NFIB: variants seen among roughly 807,000 people sequenced by gnomAD.
NFIB encodes nuclear factor 1 B-type.
Under a neutral mutation model 61.5 loss-of-function variants are expected in NFIB, and 11 were observed. The ratio of observed to expected loss-of-function variants is 0.18; its 90% confidence interval spans 0.11 to 0.30. The LOEUF (loss-of-function observed/expected upper bound fraction) is 0.30, where lower values mean the gene tolerates loss of function less well. NFIB is among the 10% of genes least tolerant of loss of function. The probability of loss-of-function intolerance (pLI) is 1.00; values close to 1 mark genes in which losing one functional copy is unlikely to be tolerated. For missense variants in NFIB, 471 were observed against 608.9 expected, an observed-to-expected ratio of 0.77 and a Z score of 2.38; for synonymous variants, 260 against 216.5, an observed-to-expected ratio of 1.20 and a Z score of -1.76.
intron 10 of NFIB, among the ~76,000 whole-genome samples, chr9:14,091,128 A>T (rs693517): frequency 2.0e-5 from 3 of 151,794 alleles, no homozygotes; most frequent in African/African-American, 7.3e-5. Flanking sequence ...CCTTTGGGGG[A>T]AAATAAATCT....
At chr9:14,500,101 C>A in the NFIB span, among the ~76,000 whole-genome samples, 1 of 152,118 alleles carries the variant, frequency 6.6e-6, no homozygotes. Context: ...GCCAGTCACA[C>A]TGGTCTGCTT....
intron 7 of NFIB, among the ~76,000 whole-genome samples, chr9:14,122,921 C>T (rs1024491118): frequency 6.6e-6 from 1 of 151,986 alleles, no homozygotes; most frequent in Non-Finnish European, 1.5e-5. Context: ...AAAATGACTA[C>T]CTTTTCCATA....
chr9:14,402,065 G>T (rs572911111), upstream of NFIB, among the ~76,000 whole-genome samples: 3 of 152,242 alleles, frequency 2.0e-5, 1 homozygote, highest in African/African-American at 7.2e-5. Context: ...AAAAATTGAA[G>T]CCTGGAAAAT....
At chr9:14,259,555 G>T (rs560619794) in intron 2 of NFIB, among the ~76,000 whole-genome samples, 7 of 152,276 alleles carry the variant, frequency 4.6e-5, no homozygotes, top group African/African-American at 1.4e-4. Flanking sequence ...ACTCTGGAAA[G>T]ACAGCTCCAG....
chr9:14,261,224 G>T (rs2056720924), intron 2 of NFIB, among the ~76,000 whole-genome samples: 1 of 152,126 alleles, frequency 6.6e-6, no homozygotes, highest in African/African-American at 2.4e-5. Flanking sequence ...GGCTGAGGCA[G>T]GAGAATCACT....
chr9:14,422,220 C>G, the NFIB span, among the ~76,000 whole-genome samples: 1 of 152,186 alleles, frequency 6.6e-6, no homozygotes, highest in African/African-American at 2.4e-5. Flanking sequence ...CTCAGACTGT[C>G]AGATCCTTAT....
chr9:14,513,898 T>C, the NFIB span, among the ~76,000 whole-genome samples: 1 of 152,208 alleles, frequency 6.6e-6, no homozygotes, highest in South Asian at 2.1e-4. Flanking sequence ...AGGTAATATA[T>C]GCAAACTAAT....
At chr9:14,368,154 TAA>T (rs35889620) in intron 1 of NFIB, among the ~76,000 whole-genome samples, 2,172 of 145,180 alleles carry the variant, frequency 0.015, 9 homozygotes, top group Middle Eastern at 0.049. Context: ...AAAGTAAGAT[TAA>T]AAAAAAAAAA....
chr9:14,116,533 AAAG>A (rs2038171650), intron 8 of NFIB, among the ~76,000 whole-genome samples, 187 bp from the exon 9 acceptor site: 1 of 152,236 alleles, frequency 6.6e-6, no homozygotes, highest in Admixed American at 6.5e-5. Context: ...GCAGCATTTC[AAAG>A]AAGGTTTTCA....
the NFIB span, among the ~76,000 whole-genome samples, chr9:14,470,778 G>C: frequency 6.6e-6 from 1 of 152,156 alleles, no homozygotes; most frequent in Non-Finnish European, 1.5e-5. Context: ...AAGAAGACTG[G>C]ACAAAGAGCC....
chr9:14,530,240 A>G, the NFIB span, among the ~76,000 whole-genome samples: 5 of 152,190 alleles, frequency 3.3e-5, no homozygotes, highest in Non-Finnish European at 7.4e-5. Context: ...TTACACAAAC[A>G]TTTCACAGCA....
chr9:14,134,897 CA>C (rs57014530), intron 6 of NFIB, among the ~76,000 whole-genome samples: 6,172 of 64,110 alleles, frequency 0.096, 86 homozygotes, highest in South Asian at 0.27. Flanking sequence ...GACTCTGTCT[CA>C]AAAAAAAAAA....
At chr9:14,125,985 A>G (rs960185233) in intron 6 of NFIB, among the ~76,000 whole-genome samples, 1 of 152,226 alleles carries the variant, frequency 6.6e-6, no homozygotes, top group Admixed American at 6.5e-5. Flanking sequence ...TAAAATTATC[A>G]TCAGAATTAT....
At chr9:14,333,500 T>C (rs2060846758) in intron 1 of NFIB, among the ~76,000 whole-genome samples, 1 of 152,096 alleles carries the variant, frequency 6.6e-6, no homozygotes, top group South Asian at 2.1e-4. Flanking sequence ...GCCCCACAAC[T>C]CCCTAATGGG....
chr9:14,222,346 A>G (rs778643102), intron 2 of NFIB, among the ~76,000 whole-genome samples: 3 of 152,162 alleles, frequency 2.0e-5, no homozygotes, highest in African/African-American at 7.2e-5. Flanking sequence ...AATCCATTGC[A>G]TCAGATGGCA....
At position 14,392,859 on chromosome 9, in the gene NFIB, A is replaced by G. The variant is rs573036140; in HGVS notation, c.108+5665T>C. On this transcript the variant is annotated intron_variant, in intron 1 of 8. Coordinates refer to the NFIB transcript ENST00000380934. Reference sequence around the variant, plus strand: ...TACCTGGCAACTATTATTGGTTAGCATTATTAAGCAGGGTTAATCCATGAG... The same window carrying G: ...TACCTGGCAACTATTATTGGTTAGCGTTATTAAGCAGGGTTAATCCATGAG... Among the ~76,000 whole-genome samples, 3 of 152,370 alleles carry G rather than the reference A, an allele frequency of 2.0e-5. No individual in the cohort carries two copies. The East Asian group carries it at 5.8e-4, about 29-fold the overall frequency.
chr9:14,414,632 G>A, the NFIB span, among the ~76,000 whole-genome samples: 1 of 150,936 alleles, frequency 6.6e-6, no homozygotes, highest in Non-Finnish European at 1.5e-5. Flanking sequence ...CTACATGCCA[G>A]TTAAGAGGAT....
In NFIB at chr9:14,232,008, A is replaced by C. The variant is rs543930790; in HGVS notation, c.563-52228T>G. On this transcript the variant is annotated intron_variant, in intron 2 of 10. Transcript: ENST00000380953. Reference sequence around the variant, plus strand: ...GAAAGAAACAAGGTCTTCGCCAACAACACCACACTCAAAAGATCCTAAGGT... The same window carrying C: ...GAAAGAAACAAGGTCTTCGCCAACACCACCACACTCAAAAGATCCTAAGGT... Among the ~76,000 whole-genome samples, 65 of 152,334 alleles carry C rather than the reference A, an allele frequency of 4.3e-4. No homozygotes were observed. The South Asian group carries it at 8.1e-3, about 19-fold the overall frequency.
rs565525003 is a variant in NFIB at position 14,148,373 on chromosome 9, C to A, written c.807-1566G>T. Among the ~76,000 whole-genome samples the A allele has an allele frequency of 2.0e-5, 3 of 152,080 alleles. No individual in the cohort carries two copies. In the South Asian group the frequency reaches 6.2e-4, roughly 32 times the overall value. ...AAGTGATCCTCCTGCCTGGGCCTCC[C>A]AAAGTACTGGGAATCCAGCTGTGAG... On this transcript the variant is annotated intron_variant, in intron 5 of 10. Coordinates refer to ENST00000380953, the MANE Select transcript of NFIB (RefSeq NM_001190737.2).
Sources: allele counts gnomAD v4.1 joint callset (sites outside exome capture counted in the v4.1 genomes callset), GRCh38; gene constraint gnomAD v4.1.1; transcripts MANE v1.5; gene names NCBI Gene and HGNC (gene_info 2026-07-23, HGNC 2026-07-21).